The following ARSK variants were observed in gnomAD, a reference collection of about 807,000 sequenced individuals.
ARSK encodes arylsulfatase family member K, also known as arylsulfatase K.
A neutral mutation model predicts 53.2 loss-of-function variants in ARSK; 37 were observed. The observed-to-expected ratio is 0.70, with a 90% CI of 0.54 to 0.92. The LOEUF (loss-of-function observed/expected upper bound fraction) is 0.92. ARSK is among the 40% of genes least tolerant of loss of function. The probability of loss-of-function intolerance (pLI) is 0.00; values close to 1 mark genes in which losing one functional copy is unlikely to be tolerated. For missense variants in ARSK, 613 were observed against 643.0 expected, an observed-to-expected ratio of 0.95 and a Z score of 0.51; for synonymous variants, 208 against 223.2, an observed-to-expected ratio of 0.93 and a Z score of 0.61.
intron 3 of ARSK, among the ~76,000 whole-genome samples, chr5:95,578,292 C>T (rs1056796658): frequency 4.0e-5 from 6 of 151,870 alleles, no homozygotes; most frequent in Non-Finnish European, 8.8e-5. Context: ...GCTAGGACCA[C>T]AGGCACATAC....
chr5:95,596,968 A>G (rs1227552222), intron 6 of ARSK, among the ~76,000 whole-genome samples: 2 of 152,046 alleles, frequency 1.3e-5, no homozygotes, highest in African/African-American at 4.8e-5. Flanking sequence ...ATACTATTAC[A>G]TTATCATTTC....
intron 5 of ARSK, 30 bp downstream of exon 5, chr5:95,586,763 T>A: frequency 6.6e-7 from 1 of 1,521,282 alleles, no homozygotes. Flanking sequence ...AGCAATTACA[T>A]GAAGAAAAAT....
rs760627313 is a variant in ARSK at position 95,583,130 on chromosome 5, C to CGTAA, written c.631_632insGTAA (p.Pro211ArgfsTer23). On this transcript the variant is annotated frameshift_variant, in exon 4 of 8. Coordinates refer to ENST00000380009, the MANE Select transcript of ARSK (RefSeq NM_198150.3). LOFTEE classifies it high-confidence loss of function. Reference sequence around the variant, plus strand: ...GGGATTAAATTTACCACACCCTTACCCTTCACCATCTTCTGGAGAAAATTT... The same window carrying CGTAA: ...GGGATTAAATTTACCACACCCTTACCGTAACTTCACCATCTTCTGGAGAAAATTT... 4 of 1,608,084 alleles carry CGTAA rather than the reference C, an allele frequency of 2.5e-6. No homozygotes were observed. The highest frequency in any genetic ancestry group is 3.4e-6 in the Non-Finnish European group (4 of 1,175,864).
At chr5:95,556,234 C>G (rs1444914810) in intron 1 of ARSK, 1 of 702,128 alleles carries the variant, frequency 1.4e-6, no homozygotes, top group Admixed American at 2.0e-5. Context: ...ATTACATAGT[C>G]TGGATGTGCC....
chr5:95,567,867 A>G (rs1183094534), intron 2 of ARSK, 23 bp from the exon 3 acceptor site: 4 of 1,574,228 alleles, frequency 2.5e-6, no homozygotes, highest in East Asian at 2.2e-5. Context: ...CTTAATCCCA[A>G]TTCCTTTTTT....
At chr5:95,581,432 C>T (rs558400577) in intron 3 of ARSK, among the ~76,000 whole-genome samples, 1 of 152,278 alleles carries the variant, frequency 6.6e-6, no homozygotes, top group South Asian at 2.1e-4. Context: ...TAGACTACAT[C>T]GTGAAGTCCA....
intron 3 of ARSK, among the ~76,000 whole-genome samples, chr5:95,579,620 G>A (rs1302994651): frequency 6.6e-6 from 1 of 152,312 alleles, no homozygotes; most frequent in East Asian, 1.9e-4. Flanking sequence ...ACTTGGAGTA[G>A]CAAGGATATA....
chr5:95,569,881 A>C (rs1295847036), intron 3 of ARSK, among the ~76,000 whole-genome samples: 1 of 152,238 alleles, frequency 6.6e-6, no homozygotes, highest in Non-Finnish European at 1.5e-5. Context: ...AAAAGATGGC[A>C]GTACAGGAAA....
intron 1 of ARSK, among the ~76,000 whole-genome samples, chr5:95,562,878 G>A (rs1026108918): frequency 2.6e-5 from 4 of 152,226 alleles, no homozygotes; most frequent in African/African-American, 9.6e-5. Context: ...TATAACAAAA[G>A]CCATTTTTCA....
chr5:95,585,604 C>T (rs528516608), intron 4 of ARSK, among the ~76,000 whole-genome samples: 4 of 152,268 alleles, frequency 2.6e-5, no homozygotes, highest in Admixed American at 2.6e-4. Context: ...TAAGTGGGAG[C>T]TAAGCTATGA....
At chr5:95,594,712 C>T (rs921009300) in intron 6 of ARSK, among the ~76,000 whole-genome samples, 5 of 151,968 alleles carry the variant, frequency 3.3e-5, no homozygotes, top group African/African-American at 4.8e-5. Flanking sequence ...TGGTGGCAGG[C>T]GCCTGTAGTC....
intron 3 of ARSK, among the ~76,000 whole-genome samples, chr5:95,570,875 G>A (rs529065204): frequency 5.9e-5 from 9 of 151,428 alleles, no homozygotes; most frequent in African/African-American, 1.2e-4. Flanking sequence ...TCCGCCTCCC[G>A]GGTTCCAGCG....
chr5:95,580,064 C>T (rs1159757823), intron 3 of ARSK, among the ~76,000 whole-genome samples: 1 of 152,188 alleles, frequency 6.6e-6, no homozygotes, highest in Non-Finnish European at 1.5e-5. Flanking sequence ...GGAAACTATA[C>T]ATTGTATAGC....
At chr5:95,568,659 G>A (rs1014481786) in intron 3 of ARSK, among the ~76,000 whole-genome samples, 3 of 152,158 alleles carry the variant, frequency 2.0e-5, no homozygotes, top group African/African-American at 7.2e-5. Context: ...AGCTAACATA[G>A]GAGGCCTGAG....
At chr5:95,558,226 G>T (rs1047639725) in intron 1 of ARSK, among the ~76,000 whole-genome samples, 5 of 152,334 alleles carry the variant, frequency 3.3e-5, no homozygotes, top group Admixed American at 2.0e-4. Flanking sequence ...TTTATGCCAA[G>T]TGCGGAAAGT....
chr5:95,580,427 G>T (rs1014584203), intron 3 of ARSK, among the ~76,000 whole-genome samples: 1 of 152,202 alleles, frequency 6.6e-6, no homozygotes. Context: ...CTGATTAAGA[G>T]ACCATCACTC....
chr5:95,574,550 G>A (rs574046297), intron 3 of ARSK, among the ~76,000 whole-genome samples: 3 of 152,250 alleles, frequency 2.0e-5, no homozygotes, highest in African/African-American at 2.4e-5. Flanking sequence ...TAGCTGAGAC[G>A]ATATCTCATT....
chr5:95,582,915 G>A lies in ARSK; in HGVS notation c.417-1G>A. The A allele has an allele frequency of 6.3e-7, 1 of 1,593,834 alleles. No individual in the cohort carries two copies. Among genetic ancestry groups the A allele is most frequent in the Non-Finnish European group, 8.6e-7 (1 of 1,167,142 alleles). Reference sequence around the variant, plus strand: ...ATATATGTGTCTTTTTGCCCCCTCAGTAATCGTGTGGAAGCGTGGACAAGA... The same window carrying A: ...ATATATGTGTCTTTTTGCCCCCTCAATAATCGTGTGGAAGCGTGGACAAGA... On this transcript the variant is annotated splice_acceptor_variant, in intron 3 of 7. Transcript: ENST00000380009. LOFTEE classifies it high-confidence loss of function.
intron 6 of ARSK, among the ~76,000 whole-genome samples, chr5:95,595,684 G>A (rs1310902544): frequency 6.6e-6 from 1 of 152,118 alleles, no homozygotes; most frequent in African/African-American, 2.4e-5. Flanking sequence ...GAGGGAGGGA[G>A]GGAGGGGGCC....
Sources: gnomAD v4.1 joint callset for allele counts (sites outside exome capture counted in the v4.1 genomes callset) on GRCh38, gnomAD v4.1.1 for gene constraint, MANE v1.5 for transcripts, NCBI Gene and HGNC (gene_info 2026-07-23, HGNC 2026-07-21) for gene names.